DENND1B: variants seen among roughly 807,000 people sequenced by gnomAD.
The protein encoded by DENND1B is DENN domain containing 1B.
Under a neutral mutation model 90.1 loss-of-function variants are expected in DENND1B, and 59 were observed. That is an observed-to-expected ratio of 0.65 (90% CI 0.53 to 0.81). DENND1B has a LOEUF of 0.81. Among genes scored for constraint, DENND1B ranks in the 40% least tolerant of loss-of-function variants. The pLI is 0.00. For missense variants in DENND1B, 862 were observed against 912.6 expected (o/e 0.94, Z 0.71); for synonymous variants, 337 against 324.6 (o/e 1.04, Z -0.41).
Position 197,664,000 on chromosome 1 carries a change from AACACACACATAC to A in DENND1B, c.297-5643_297-5632del, listed in dbSNP as rs1654683328. Among the ~76,000 whole-genome samples the A allele has an allele frequency of 2.8e-5, 4 of 143,378 alleles. No homozygotes were observed. In the South Asian group the frequency reaches 8.8e-4, roughly 32 times the overall value. The allele number at this position is 143,378 out of a possible 152,430, so 94.1% of individuals were successfully genotyped here. A position where few individuals can be genotyped will look rare whatever the true frequency, so the allele number is the denominator to read the frequency against. ...TCATTTTTAAAAAGAAAACTTTTGA[AACACACACATAC>A]ACACACACACACACACAGAGAGAGA... On this transcript the variant is annotated intron_variant, in intron 5 of 22. Transcript: ENST00000620048.
chr1:197,778,602 G>A (rs1657354905), upstream of DENND1B, among the ~76,000 whole-genome samples: 2 of 151,896 alleles, frequency 1.3e-5, no homozygotes, highest in African/African-American at 4.8e-5. Flanking sequence ...ACTTGAACCT[G>A]GGAGGCAGAG....
Position 197,595,344 on chromosome 1 carries a change from G to T in DENND1B, c.922-11C>A. 6.2e-7 allele frequency: 1 copy of T among 1,609,722 alleles called. No homozygotes were observed. The highest frequency in any genetic ancestry group is 1.1e-5 in the South Asian group (1 of 90,552). On this transcript the variant is annotated splice_polypyrimidine_tract_variant and intron_variant, in intron 13 of 22. Coordinates refer to ENST00000620048, the MANE Select transcript of DENND1B (RefSeq NM_001195215.2). ...TTTCAAGGCCGAGACCTGCATGACA[G>T]AGAGGAACAGTTAAATTAACACCTC...
chr1:197,700,943 G>A (rs1323179229), intron 3 of DENND1B, among the ~76,000 whole-genome samples: 3 of 152,182 alleles, frequency 2.0e-5, no homozygotes, highest in Admixed American at 1.3e-4. Context: ...AATAGATGCT[G>A]GCGAGGCTGT....
At chr1:197,575,287 C>A (rs115034867) in intron 15 of DENND1B, among the ~76,000 whole-genome samples, 1 of 151,898 alleles carries the variant, frequency 6.6e-6, no homozygotes, top group Non-Finnish European at 1.5e-5. Context: ...TAGGAACAGA[C>A]GCTTCTCAAA....
intron 20 of DENND1B, among the ~76,000 whole-genome samples, chr1:197,530,378 G>A (rs989633025): frequency 6.6e-5 from 10 of 152,246 alleles, no homozygotes; most frequent in Non-Finnish European, 1.2e-4. Context: ...AAGTTCTTTA[G>A]ACAACTGAGA....
chr1:197,600,721 A>G (rs561152348), intron 13 of DENND1B, among the ~76,000 whole-genome samples: 3 of 151,938 alleles, frequency 2.0e-5, no homozygotes, highest in South Asian at 4.1e-4. Flanking sequence ...GATAATAAAC[A>G]AACAGTATAA....
intron 9 of DENND1B, among the ~76,000 whole-genome samples, chr1:197,643,314 C>T (rs1680441319): frequency 6.6e-6 from 1 of 152,082 alleles, no homozygotes; most frequent in African/African-American, 2.4e-5. Flanking sequence ...GCCACCACAT[C>T]CGGCTAATTT....
chr1:197,757,950 G>A (rs1654517709), intron 2 of DENND1B, among the ~76,000 whole-genome samples: 1 of 152,144 alleles, frequency 6.6e-6, no homozygotes, highest in Non-Finnish European at 1.5e-5. Context: ...TATAAGCCCA[G>A]TGTTATTTCT....
At chr1:197,745,248 C>T (rs1213373963) in intron 2 of DENND1B, among the ~76,000 whole-genome samples, 1 of 152,192 alleles carries the variant, frequency 6.6e-6, no homozygotes, top group African/African-American at 2.4e-5. Flanking sequence ...AACAGTTAGT[C>T]GGGTGCAAAA....
intron 3 of DENND1B, among the ~76,000 whole-genome samples, chr1:197,683,621 C>T (rs776239403): frequency 6.6e-6 from 1 of 152,042 alleles, no homozygotes; most frequent in African/African-American, 2.4e-5. Flanking sequence ...GATATAAAAG[C>T]AGTAAGAGAT....
chr1:197,510,953 C>T lies in DENND1B; in HGVS notation c.1835G>A (p.Ser612Asn). The change falls in exon 23 of 23, where the codon AGT (serine) becomes AAT (asparagine). Residue 612 changes from serine to asparagine, a missense_variant. Coordinates refer to ENST00000620048, the MANE Select transcript of DENND1B (RefSeq NM_001195215.2). ...YKPTNKSNAP[S>N]ENNLAFLCGG... ...ACAGAGGAAAGCCAGGTTATTCTCACTAGGAGCATTAGATTTATTCTGAAA... is the reference window on the plus strand; with the variant it reads ...ACAGAGGAAAGCCAGGTTATTCTCATTAGGAGCATTAGATTTATTCTGAAA... 6.6e-7 allele frequency: 1 copy of T among 1,525,886 alleles called. No individual in the cohort carries two copies. Among genetic ancestry groups the T allele is most frequent in the Non-Finnish European group, 8.8e-7 (1 of 1,139,652 alleles). The allele number at this position is 1,525,886 out of a possible 1,614,324, so 94.5% of individuals were successfully genotyped here.
chr1:197,757,857 C>G (rs1167841101), intron 2 of DENND1B, among the ~76,000 whole-genome samples: 1 of 152,180 alleles, frequency 6.6e-6, no homozygotes, highest in African/African-American at 2.4e-5. Flanking sequence ...TTGCACTATA[C>G]CTCTCAACTA....
At chr1:197,655,732 C>G (rs1394300281) in intron 6 of DENND1B, among the ~76,000 whole-genome samples, 2 of 152,074 alleles carry the variant, frequency 1.3e-5, no homozygotes, top group Non-Finnish European at 2.9e-5. Context: ...CGGGGTTTCA[C>G]TGTGTGAGCC....
At chr1:197,658,143 A>T (rs1654038226) in intron 6 of DENND1B, among the ~76,000 whole-genome samples, 157 bp downstream of exon 6, 1 of 152,106 alleles carries the variant, frequency 6.6e-6, no homozygotes, top group Non-Finnish European at 1.5e-5. Flanking sequence ...ACAGAGTTTT[A>T]GACTGGCAAG....
rs1487139340 is a variant in DENND1B at position 197,510,699 on chromosome 1, C to G, written c.2089G>C (p.Asp697His). ...TCCCTCTTTTCTGTTTTTCCTTTAT[C>G]AGTCTGGGAAACTTCAGGGGAAGTG... Reference protein sequence around the residue: ...QLTSPEVSQTDKGKTEKRETL... With the variant: ...QLTSPEVSQTHKGKTEKRETL... Residue 697 changes from aspartate (D) to histidine (H), a missense_variant, in exon 23 of 23, where the codon GAT (aspartate) becomes CAT (histidine). Physicochemically the swap from Asp to His is moderately conservative, Grantham distance 81. Transcript: ENST00000620048. The G allele has an allele frequency of 2.5e-6, 4 of 1,612,692 alleles. No individual in the cohort carries two copies. The highest frequency in any genetic ancestry group is 3.4e-6 in the Non-Finnish European group (4 of 1,179,182).
upstream of DENND1B, among the ~76,000 whole-genome samples, chr1:197,778,536 G>T (rs984555694): frequency 1.3e-5 from 2 of 152,054 alleles, no homozygotes; most frequent in Non-Finnish European, 2.9e-5. Flanking sequence ...AGCTGGGTGT[G>T]GTGGGTGGTG....
At chr1:197,674,055 T>C (rs1655799814) in intron 4 of DENND1B, 65 bp downstream of exon 4, 1 of 1,113,668 alleles carries the variant, frequency 9.0e-7, no homozygotes. Context: ...AAAAAGCACA[T>C]GTAATCATTT....
intron 14 of DENND1B, among the ~76,000 whole-genome samples, chr1:197,586,713 C>T (rs967954339): frequency 6.6e-6 from 1 of 152,142 alleles, no homozygotes; most frequent in African/African-American, 2.4e-5. Context: ...AATTGATTTT[C>T]GCAGATCACT....
At position 197,701,371 on chromosome 1, in the gene DENND1B, T is replaced by C. The variant is rs977635524; in HGVS notation, c.126+13660A>G. ...GTATTTTCTCACTTATAAGTGGGAG[T>C]TGAACAATGAGAATACATGGATACA... On this transcript the variant is annotated intron_variant, in intron 3 of 22. Transcript: ENST00000620048. Among the ~76,000 whole-genome samples the C allele has an allele frequency of 1.7e-4, 26 of 151,788 alleles. No homozygotes were observed. In the South Asian group the frequency reaches 5.0e-3, roughly 29 times the overall value.
Sources: gnomAD v4.1 joint callset for allele counts (sites outside exome capture counted in the v4.1 genomes callset) on GRCh38, gnomAD v4.1.1 for gene constraint, MANE v1.5 for transcripts, NCBI Gene and HGNC (gene_info 2026-07-23, HGNC 2026-07-21) for gene names.